Variants in ALKBH8 observed in about 807,000 individuals in gnomAD.
ALKBH8 encodes the protein alkB homolog 8, tRNA methyltransferase.
In ALKBH8, 36 loss-of-function variants were observed where a neutral mutation model predicts 59.8. The ratio of observed to expected loss-of-function variants is 0.60; its 90% CI spans 0.46 to 0.79. The LOEUF is 0.79. Among genes scored for constraint, ALKBH8 ranks in the 30% least tolerant of loss-of-function variants. ALKBH8 has a pLI of 0.00. For synonymous variants in ALKBH8, 276 were observed against 273.6 expected (o/e 1.01, Z -0.09); for missense variants, 768 against 801.0 (o/e 0.96, Z 0.50).
At chr11:107,530,600 A>AACACAC (rs66736211) in intron 8 of ALKBH8, among the ~76,000 whole-genome samples, 4,550 of 131,964 alleles carry the variant, frequency 0.034, 83 homozygotes, top group East Asian at 0.077. Context: ...CTCTCTTCCT[A>AACACAC]ACACACACAC....
At chr11:107,520,660 C>A (rs769392617) in intron 10 of ALKBH8, among the ~76,000 whole-genome samples, 3 of 152,136 alleles carry the variant, frequency 2.0e-5, no homozygotes, top group Non-Finnish European at 4.4e-5. Flanking sequence ...GATCTATTTC[C>A]TCTTCAACAT....
At chr11:107,516,181 G>T (rs561061909) in intron 10 of ALKBH8, among the ~76,000 whole-genome samples, 1 of 152,252 alleles carries the variant, frequency 6.6e-6, no homozygotes, top group South Asian at 2.1e-4. Flanking sequence ...GTTGAAAGTC[G>T]TTAAATGGTG....
intron 10 of ALKBH8, among the ~76,000 whole-genome samples, chr11:107,518,273 T>C (rs970868525): frequency 6.6e-6 from 1 of 152,220 alleles, no homozygotes; most frequent in Non-Finnish European, 1.5e-5. Flanking sequence ...TCATCAATTT[T>C]CTAAATGATA....
chr11:107,547,509 A>G (rs1353242895), intron 7 of ALKBH8, among the ~76,000 whole-genome samples: 1 of 152,226 alleles, frequency 6.6e-6, no homozygotes, highest in Admixed American at 6.5e-5. Context: ...ATACTTTCAC[A>G]TACATTACCT....
intron 1 of ALKBH8, among the ~76,000 whole-genome samples, chr11:107,564,366 T>C (rs1281276861): frequency 6.6e-6 from 1 of 152,134 alleles, no homozygotes; most frequent in Non-Finnish European, 1.5e-5. Context: ...CTTATATGTT[T>C]AAAAAAATGC....
intron 6 of ALKBH8, among the ~76,000 whole-genome samples, chr11:107,550,135 A>C (rs1864430215): frequency 6.6e-6 from 1 of 152,230 alleles, no homozygotes; most frequent in Non-Finnish European, 1.5e-5. Context: ...CAAATACAAA[A>C]GTCATTTTTA....
intron 7 of ALKBH8, among the ~76,000 whole-genome samples, chr11:107,533,157 A>C (rs1326845636): frequency 6.6e-6 from 1 of 152,178 alleles, no homozygotes; most frequent in African/African-American, 2.4e-5. Flanking sequence ...CTAGGAACCC[A>C]TCAAAAACCA....
chr11:107,528,800 G>A (rs571933624), intron 8 of ALKBH8, among the ~76,000 whole-genome samples: 1 of 151,404 alleles, frequency 6.6e-6, no homozygotes, highest in Non-Finnish European at 1.5e-5. Context: ...AATCAAATTG[G>A]GACAATATTC....
chr11:107,560,354 T>C (rs988228048), intron 2 of ALKBH8, among the ~76,000 whole-genome samples: 7 of 152,200 alleles, frequency 4.6e-5, no homozygotes, highest in African/African-American at 1.7e-4. Context: ...TGTAGTAGGA[T>C]ATGGAAGATC....
rs1591325922 is a variant in ALKBH8, at chr11:107,556,930, C to T, written c.203G>A (p.Cys68Tyr). ...RNQLLPVLEK[C>Y]GLVDALLMPP... ...CATTAAGAGAGCATCCACCAGTCCA[C>T]ATTTCTCTAAAACCGGGAGCAGCTG... The change falls in exon 3 of 12, where the codon TGT becomes TAT. Residue 68 changes from cysteine (C) to tyrosine (Y), a missense_variant. Cys to Tyr is a radical substitution (Grantham distance 194, BLOSUM62 -2). Coordinates refer to ENST00000428149, the MANE Select transcript of ALKBH8 (RefSeq NM_138775.3). 1.2e-6 allele frequency: 2 copies of T among 1,612,352 alleles called. No homozygotes were observed. The highest frequency in any genetic ancestry group is 1.7e-6 in the Non-Finnish European group (2 of 1,179,150).
intron 7 of ALKBH8, among the ~76,000 whole-genome samples, chr11:107,545,470 C>T (rs896616013): frequency 6.6e-6 from 1 of 152,122 alleles, no homozygotes; most frequent in East Asian, 1.9e-4. Flanking sequence ...CAGGACTCAA[C>T]AGGTATTTGC....
chr11:107,524,949 T>G (rs1357509642), intron 9 of ALKBH8, among the ~76,000 whole-genome samples: 9 of 152,200 alleles, frequency 5.9e-5, no homozygotes, highest in Admixed American at 5.9e-4. Flanking sequence ...CTTGACAAGT[T>G]TTTGAGCAGT....
Position 107,503,390 on chromosome 11 carries a change from C to T in ALKBH8, c.*1268G>A, listed in dbSNP as rs755580441. 3 of 152,096 alleles carry T rather than the reference C, an allele frequency of 2.0e-5. No homozygotes were observed. The highest frequency in any genetic ancestry group is 4.4e-5 in the Non-Finnish European group (3 of 68,010). The allele number at this position is 152,096 out of a possible 1,614,324, so 9.4% of individuals were successfully genotyped here. Reference sequence around the variant, plus strand: ...GATTAAGTATCACTAGCATTAATAACAGTAAACATTAATTAAACAGAAAGC... The same window carrying T: ...GATTAAGTATCACTAGCATTAATAATAGTAAACATTAATTAAACAGAAAGC... On this transcript the variant is annotated 3_prime_UTR_variant, in exon 12 of 12. Coordinates refer to ENST00000428149, the MANE Select transcript of ALKBH8 (RefSeq NM_138775.3).
At chr11:107,554,735 T>C (rs940282909) in intron 3 of ALKBH8, among the ~76,000 whole-genome samples, 10 of 152,200 alleles carry the variant, frequency 6.6e-5, no homozygotes, top group African/African-American at 1.9e-4. Context: ...GAAACATGAA[T>C]AGTAAATCAT....
intron 7 of ALKBH8, among the ~76,000 whole-genome samples, chr11:107,549,009 C>T (rs1278700536): frequency 1.3e-5 from 2 of 152,068 alleles, no homozygotes; most frequent in African/African-American, 4.8e-5. Context: ...TGCCACCATG[C>T]CCGGCTAATT....
chr11:107,508,808 T>C (rs1310332903), intron 11 of ALKBH8, among the ~76,000 whole-genome samples: 1 of 152,246 alleles, frequency 6.6e-6, no homozygotes, highest in Non-Finnish European at 1.5e-5. Flanking sequence ...CATAATATCC[T>C]CAAGGTTCAT....
At chr11:107,550,519 C>T (rs906198674) in intron 6 of ALKBH8, among the ~76,000 whole-genome samples, 1 of 152,182 alleles carries the variant, frequency 6.6e-6, no homozygotes, top group African/African-American at 2.4e-5. Flanking sequence ...CAGGCCTCTG[C>T]GTCTTTAAGA....
intron 11 of ALKBH8, among the ~76,000 whole-genome samples, chr11:107,508,442 G>C (rs1181767389): frequency 6.6e-6 from 1 of 152,110 alleles, no homozygotes; most frequent in African/African-American, 2.4e-5. Context: ...CAAAGCACTG[G>C]GATGACAGGC....
chr11:107,541,970 A>T (rs1373762157), intron 7 of ALKBH8, among the ~76,000 whole-genome samples: 1 of 152,196 alleles, frequency 6.6e-6, no homozygotes, highest in Non-Finnish European at 1.5e-5. Flanking sequence ...TGAAATTAGG[A>T]TATCAATGAA....
Sources: allele counts gnomAD v4.1 joint callset (sites outside exome capture counted in the v4.1 genomes callset), GRCh38; gene constraint gnomAD v4.1.1; transcripts MANE v1.5; gene names NCBI Gene and HGNC (gene_info 2026-07-23, HGNC 2026-07-21).